SLC28A1: variants seen among roughly 807,000 people sequenced by gnomAD.
SLC28A1 encodes the protein sodium/nucleoside cotransporter 1.
SLC28A1 carries 64 observed loss-of-function variants against 74.8 expected under a neutral mutation model. That is an observed-to-expected ratio of 0.86 (90% CI 0.70 to 1.05). The LOEUF is 1.05. SLC28A1 is among the 50% of genes least tolerant of loss of function. The pLI, the probability that SLC28A1 is intolerant of heterozygous loss-of-function variation, is 0.00. For synonymous variants in SLC28A1, 359 were observed against 335.0 expected (o/e 1.07, Z -0.78); for missense variants, 828 against 822.8 (o/e 1.01, Z -0.08).
chr15:84,898,578 C>G (rs1350760141), intron 6 of SLC28A1, among the ~76,000 whole-genome samples: 3 of 44,762 alleles, frequency 6.7e-5, no homozygotes, highest in African/African-American at 1.9e-4. Context: ...GACTCCATCA[C>G]CAAAAAAAAA....
the SLC28A1 span, among the ~76,000 whole-genome samples, chr15:84,965,921 G>T: frequency 9.9e-5 from 15 of 151,588 alleles, no homozygotes; most frequent in African/African-American, 3.7e-4. Flanking sequence ...GAAATATTAG[G>T]CTGCTGGAAT....
chr15:84,950,212 C>T (rs1231413782), downstream of SLC28A1, among the ~76,000 whole-genome samples: 3 of 152,098 alleles, frequency 2.0e-5, no homozygotes, highest in African/African-American at 7.2e-5. Context: ...AAGGCAGAGG[C>T]AACAAAAGAA....
chr15:84,936,753 C>G (rs998113968), intron 15 of SLC28A1, among the ~76,000 whole-genome samples: 2 of 152,152 alleles, frequency 1.3e-5, no homozygotes, highest in African/African-American at 4.8e-5. Flanking sequence ...TTCTTCCATT[C>G]TTTTAAGAGA....
At position 84,914,095 on chromosome 15, in the gene SLC28A1, C is replaced by T. The variant is rs536900332; in HGVS notation, c.796-4429C>T. On this transcript the variant is annotated intron_variant, in intron 9 of 18. Coordinates refer to ENST00000394573, the MANE Select transcript of SLC28A1 (RefSeq NM_004213.5). Reference sequence around the variant, plus strand: ...TCCAGAATAGCTGGGACTGCAGGCACATGCCACCATGCCCAGCTAATTTTT... The same window carrying T: ...TCCAGAATAGCTGGGACTGCAGGCATATGCCACCATGCCCAGCTAATTTTT... Among the ~76,000 whole-genome samples, 10 of 152,302 alleles carry T rather than the reference C, an allele frequency of 6.6e-5. No homozygotes were observed. In the East Asian group the frequency reaches 1.7e-3, roughly 26 times the overall value.
At chr15:84,953,833 T>G in the SLC28A1 span, among the ~76,000 whole-genome samples, 2 of 152,192 alleles carry the variant, frequency 1.3e-5, no homozygotes, top group Non-Finnish European at 2.9e-5. Context: ...TACTTAGGAT[T>G]CTTTTGGTTG....
At chr15:84,935,624 A>C in intron 15 of SLC28A1, 106 bp downstream of exon 15, 1 of 944,202 alleles carries the variant, frequency 1.1e-6, no homozygotes, top group Admixed American at 1.9e-5. Flanking sequence ...GCTGAGACAC[A>C]CTGAAGTGGT....
chr15:84,930,850 A>G (rs906032377), intron 12 of SLC28A1, among the ~76,000 whole-genome samples: 30 of 150,458 alleles, frequency 2.0e-4, no homozygotes, highest in Admixed American at 9.9e-4. Flanking sequence ...GCTCATTGCA[A>G]CCTCCGCCTC....
Position 84,887,872 on chromosome 15 carries a change from CA to C in SLC28A1, c.96+17del, listed in dbSNP as rs1282683128. ...GGAAAGCCTGGTCTGTACCCTTCCC[CA>C]TCAGTCATCCTGACCCCTCAGCCTC... is the stretch of plus-strand genomic sequence containing the variant. On this transcript the variant is annotated intron_variant, in intron 3 of 18. Coordinates refer to ENST00000394573, the MANE Select transcript of SLC28A1 (RefSeq NM_004213.5). The C allele has an allele frequency of 6.3e-7, 1 of 1,580,848 alleles. No homozygotes were observed. The highest frequency in any genetic ancestry group is 8.7e-7 in the Non-Finnish European group (1 of 1,149,760).
chr15:84,899,588 G>A (rs1966378765), intron 6 of SLC28A1, among the ~76,000 whole-genome samples: 1 of 152,066 alleles, frequency 6.6e-6, no homozygotes, highest in Admixed American at 6.6e-5. Flanking sequence ...AGAAAATAAT[G>A]GAACAGTAAA....
chr15:84,920,932 C>G, intron 10 of SLC28A1, 57 bp from the exon 11 acceptor site: 2 of 1,388,842 alleles, frequency 1.4e-6, no homozygotes, highest in African/African-American at 1.4e-5. Context: ...CTCCAGCCCC[C>G]TCTGACTCTG....
At chr15:84,898,830 G>A (rs552445173) in intron 6 of SLC28A1, among the ~76,000 whole-genome samples, 1 of 152,246 alleles carries the variant, frequency 6.6e-6, no homozygotes, top group East Asian at 1.9e-4. Context: ...CACAGGGAAG[G>A]AAAACTGAGG....
intron 15 of SLC28A1, among the ~76,000 whole-genome samples, chr15:84,941,763 T>C (rs966930475): frequency 6.6e-6 from 1 of 151,976 alleles, no homozygotes; most frequent in Non-Finnish European, 1.5e-5. Context: ...TCCCAGCTAC[T>C]TGGGAGGCTG....
intron 6 of SLC28A1, among the ~76,000 whole-genome samples, chr15:84,900,464 G>A (rs1190874145): frequency 2.0e-5 from 3 of 146,926 alleles, no homozygotes; most frequent in African/African-American, 5.0e-5. Context: ...GAAATTCTTC[G>A]AAGAGAAGGA....
chr15:84,915,246 G>A (rs1968922184), intron 9 of SLC28A1, among the ~76,000 whole-genome samples: 1 of 152,244 alleles, frequency 6.6e-6, no homozygotes. Context: ...CCACAGGGAA[G>A]TTGGTGACAG....
At chr15:84,928,870 G>A (rs899529155) in intron 12 of SLC28A1, among the ~76,000 whole-genome samples, 3 of 151,746 alleles carry the variant, frequency 2.0e-5, no homozygotes, top group Non-Finnish European at 2.9e-5. Context: ...TGATCCACCC[G>A]CCTCGGCCTC....
chr15:84,895,271 G>C, intron 6 of SLC28A1, 148 bp downstream of exon 6: 2 of 1,580,936 alleles, frequency 1.3e-6, no homozygotes, highest in Non-Finnish European at 1.7e-6. Context: ...CCAGTGGGTG[G>C]CTTCAAACAA....
the SLC28A1 span, chr15:84,961,376 A>G: frequency 3.4e-6 from 1 of 294,684 alleles, no homozygotes; most frequent in Non-Finnish European, 6.6e-6. Context: ...CTGTTGCCCA[A>G]GCTGGGGTAC....
intron 8 of SLC28A1, among the ~76,000 whole-genome samples, chr15:84,906,927 A>C (rs1967341997): frequency 6.6e-6 from 1 of 152,234 alleles, no homozygotes; most frequent in African/African-American, 2.4e-5. Context: ...TTGTGATTTT[A>C]GAATTAGGCA....
In SLC28A1 at chr15:84,905,614, G is replaced by A. The variant is rs751315249; in HGVS notation, c.679G>A (p.Gly227Arg). 2 of 1,614,098 alleles carry A rather than the reference G, an allele frequency of 1.2e-6. No homozygotes were observed. Among genetic ancestry groups the A allele is most frequent in the Non-Finnish European group, 1.7e-6 (2 of 1,179,966 alleles). Residue 227 changes from glycine (G) to arginine (R), a missense_variant, in exon 8 of 19, where the codon GGA (glycine) becomes AGA (arginine). Transcript: ENST00000394573. ...ACTCCTCGTCATCAGAACAGAACCA[G>A]GATTCATTGCGTTCGAGTGGCTGGG... ...LGLLVIRTEPGFIAFEWLGEQ... is the reference protein window; with the variant it reads ...LGLLVIRTEPRFIAFEWLGEQ...
Sources: allele counts gnomAD v4.1 joint callset (sites outside exome capture counted in the v4.1 genomes callset), GRCh38; gene constraint gnomAD v4.1.1; transcripts MANE v1.5; gene names NCBI Gene and HGNC (gene_info 2026-07-23, HGNC 2026-07-21).